The following CNTN5 variants were observed in gnomAD, a reference collection of about 807,000 sequenced individuals.
The protein encoded by CNTN5 is contactin-5.
CNTN5 carries 77 observed loss-of-function variants against 129.1 expected under a neutral mutation model. That is an observed-to-expected ratio of 0.60 (90% CI 0.50 to 0.72). The LOEUF (loss-of-function observed/expected upper bound fraction) is 0.72. Among genes scored for constraint, CNTN5 ranks in the 30% least tolerant of loss-of-function variants. The pLI is 0.00. For missense variants in CNTN5, 1,478 were observed against 1,328.8 expected, an observed-to-expected ratio of 1.11 and a Z score of -1.75; for synonymous variants, 509 against 465.6, an observed-to-expected ratio of 1.09 and a Z score of -1.20.
In CNTN5 at chr11:99,861,737, C is replaced by T. The variant is rs569211394; in HGVS notation, c.577+16475C>T. ...GTAATGTAATTTAACTTGGTTTTAGCTTCTAAAATAAGCACAATCCAGCCT... is the reference window on the plus strand; with the variant it reads ...GTAATGTAATTTAACTTGGTTTTAGTTTCTAAAATAAGCACAATCCAGCCT... On this transcript the variant is annotated intron_variant, in intron 6 of 24. Coordinates refer to ENST00000524871, the MANE Select transcript of CNTN5 (RefSeq NM_014361.4). Among the ~76,000 whole-genome samples, 43 of 152,232 alleles carry T rather than the reference C, an allele frequency of 2.8e-4. No homozygotes were observed. In the South Asian group the frequency reaches 8.9e-3, roughly 32 times the overall value.
At chr11:99,577,772 C>G (rs1471687488) in intron 3 of CNTN5, among the ~76,000 whole-genome samples, 1 of 151,934 alleles carries the variant, frequency 6.6e-6, no homozygotes, top group African/African-American at 2.4e-5. Flanking sequence ...AAAGATGATT[C>G]TGCATTTGTG....
intron 13 of CNTN5, among the ~76,000 whole-genome samples, chr11:100,098,682 TGCCCAGTA>T (rs936917763): frequency 1.3e-5 from 2 of 152,092 alleles, no homozygotes; most frequent in Non-Finnish European, 2.9e-5. Context: ...CTAATGTTAT[TGCCCAGTA>T]GCATTTTGGG....
intron 1 of CNTN5, among the ~76,000 whole-genome samples, chr11:99,178,088 G>T (rs1857866262): frequency 6.6e-6 from 1 of 151,844 alleles, no homozygotes; most frequent in Non-Finnish European, 1.5e-5. Flanking sequence ...GAAGTGAACA[G>T]GAAAGGAAAG....
chr11:99,736,273 A>G (rs1011355768), intron 3 of CNTN5, among the ~76,000 whole-genome samples: 1 of 152,134 alleles, frequency 6.6e-6, no homozygotes, highest in South Asian at 2.1e-4. Context: ...GGGGTTAGCT[A>G]GGTTTCTCAG....
chr11:99,308,705 G>A (rs1356262150), intron 1 of CNTN5, among the ~76,000 whole-genome samples: 3 of 151,996 alleles, frequency 2.0e-5, no homozygotes, highest in Non-Finnish European at 4.4e-5. Flanking sequence ...AATAAATATT[G>A]TCCTAACATT....
At chr11:99,991,975 C>G (rs17693632) in intron 8 of CNTN5, among the ~76,000 whole-genome samples, 24,550 of 152,114 alleles carry the variant, frequency 0.16, 2,108 homozygotes, top group Non-Finnish European at 0.18. Flanking sequence ...TCCTATTCAA[C>G]TCACATCGTC....
intron 3 of CNTN5, among the ~76,000 whole-genome samples, chr11:99,647,017 C>A (rs1565385545): frequency 1.3e-5 from 2 of 150,866 alleles, no homozygotes; most frequent in African/African-American, 4.9e-5. Flanking sequence ...TTGCCATGTA[C>A]AAGCTTATTA....
At chr11:100,090,121 G>T (rs1039825584) in intron 13 of CNTN5, among the ~76,000 whole-genome samples, 1 of 152,052 alleles carries the variant, frequency 6.6e-6, no homozygotes, top group East Asian at 1.9e-4. Context: ...CTTCTCAATA[G>T]ATAGAGAAAA....
At chr11:99,985,865 A>G (rs58687766) in intron 8 of CNTN5, among the ~76,000 whole-genome samples, 1,609 of 152,230 alleles carry the variant, frequency 0.011, 32 homozygotes, top group African/African-American at 0.037. Context: ...TCCATCCAAT[A>G]TTATGACTTC....
chr11:99,520,303 C>A (rs1947227754), intron 2 of CNTN5, among the ~76,000 whole-genome samples: 2 of 152,040 alleles, frequency 1.3e-5, no homozygotes, highest in Admixed American at 6.6e-5. Context: ...TTTGTATAGT[C>A]TCTCCTAGAT....
chr11:99,129,343 G>A (rs1035862252), intron 1 of CNTN5, among the ~76,000 whole-genome samples: 1 of 152,124 alleles, frequency 6.6e-6, no homozygotes, highest in South Asian at 2.1e-4. Flanking sequence ...CCAGGCAGAA[G>A]AGAGACTATC....
chr11:99,194,509 T>G (rs1358420799), intron 1 of CNTN5, among the ~76,000 whole-genome samples: 3 of 152,186 alleles, frequency 2.0e-5, no homozygotes, highest in Non-Finnish European at 2.9e-5. Context: ...TATAATAATT[T>G]GATTATGAGA....
intron 6 of CNTN5, among the ~76,000 whole-genome samples, chr11:99,897,970 A>C (rs572049501): frequency 6.6e-6 from 1 of 152,268 alleles, no homozygotes; most frequent in East Asian, 1.9e-4. Context: ...CAAATTGAAA[A>C]CAAGAAAAAG....
At chr11:100,268,332 AAAGT>A (rs1264647701) in intron 17 of CNTN5, among the ~76,000 whole-genome samples, 3 of 152,156 alleles carry the variant, frequency 2.0e-5, no homozygotes, top group Non-Finnish European at 4.4e-5. Flanking sequence ...CAACTCCAAG[AAAGT>A]AAGTATAAAA....
chr11:99,394,681 C>T (rs753676309), intron 2 of CNTN5, among the ~76,000 whole-genome samples: 2 of 151,446 alleles, frequency 1.3e-5, no homozygotes, highest in African/African-American at 2.4e-5. Flanking sequence ...TCTTTCTGAT[C>T]GTTTCCTTTC....
At chr11:99,301,730 C>T (rs1242531282) in intron 1 of CNTN5, among the ~76,000 whole-genome samples, 1 of 151,470 alleles carries the variant, frequency 6.6e-6, no homozygotes, top group East Asian at 1.9e-4. Flanking sequence ...TTCTATAAAC[C>T]AATTAGTCTA....
chr11:99,722,937 T>A (rs1039213238), intron 3 of CNTN5, among the ~76,000 whole-genome samples: 1 of 152,070 alleles, frequency 6.6e-6, no homozygotes, highest in Non-Finnish European at 1.5e-5. Context: ...AGACACTTAT[T>A]TCCATTGTCA....
intron 3 of CNTN5, among the ~76,000 whole-genome samples, chr11:99,779,681 G>T (rs115687731): frequency 1.2e-3 from 187 of 152,114 alleles, no homozygotes; most frequent in African/African-American, 4.4e-3. Context: ...CAAGGAAATT[G>T]AGGCATTGAA....
chr11:99,484,909 G>A (rs1945749298), intron 2 of CNTN5, among the ~76,000 whole-genome samples: 1 of 152,108 alleles, frequency 6.6e-6, no homozygotes. Context: ...TAGAGATTGG[G>A]AAGGGCCGGG....
Sources: gnomAD v4.1 joint callset for allele counts (sites outside exome capture counted in the v4.1 genomes callset) on GRCh38, gnomAD v4.1.1 for gene constraint, MANE v1.5 for transcripts, NCBI Gene and HGNC (gene_info 2026-07-23, HGNC 2026-07-21) for gene names.